Variants in NR3C1 observed in about 807,000 individuals in gnomAD.
NR3C1 encodes the protein glucocorticoid receptor.
A neutral mutation model predicts 74.0 loss-of-function variants in NR3C1; 14 were observed. The ratio of observed to expected loss-of-function variants is 0.19; its 90% confidence interval spans 0.12 to 0.30. The LOEUF (loss-of-function observed/expected upper bound fraction) is 0.30. NR3C1 is among the 10% of genes least tolerant of loss of function. NR3C1 has a pLI of 1.00. For missense variants in NR3C1, 695 were observed against 909.8 expected, an observed-to-expected ratio of 0.76 and a Z score of 3.04; for synonymous variants, 308 against 332.5, an observed-to-expected ratio of 0.93 and a Z score of 0.80.
intron 2 of NR3C1, among the ~76,000 whole-genome samples, chr5:143,359,760 A>G (rs975286021): frequency 3.5e-4 from 54 of 152,206 alleles, no homozygotes; most frequent in African/African-American, 1.3e-3. Context: ...TCTACTAAAA[A>G]TACAAAAATT....
At chr5:143,313,009 T>TA (rs1821300809) in intron 3 of NR3C1, among the ~76,000 whole-genome samples, 1 of 152,122 alleles carries the variant, frequency 6.6e-6, no homozygotes, top group African/African-American at 2.4e-5. Flanking sequence ...TATTAAAAAG[T>TA]AAAACAAAAG....
Position 143,428,045 on chromosome 5 carries a change from A to G in NR3C1, c.-14+6487T>C, listed in dbSNP as rs377024137. ...GCAATTATGTTTTTCATTAAAAATT[A>G]CTAAAATGGGCTTTTTGACTTAATA... On this transcript the variant is annotated intron_variant, in intron 1 of 8. Coordinates refer to the NR3C1 transcript ENST00000343796. Among the ~76,000 whole-genome samples the G allele has an allele frequency of 1.2e-4, 18 of 152,332 alleles. No individual in the cohort carries two copies. In the South Asian group the frequency reaches 3.7e-3, roughly 32 times the overall value.
chr5:143,307,045 C>T lies in NR3C1; in HGVS notation c.1468+3052G>A, dbSNP rs549597289. On this transcript the variant is annotated intron_variant, in intron 4 of 8. Transcript: ENST00000394464. ...CCGAGTAGCTGGGACTACAGGCGCC[C>T]GCCACCACGCCTGGCTAATTTTTTG... is the stretch of plus-strand genomic sequence containing the variant. 4.2e-3 allele frequency among the ~76,000 whole-genome samples: 642 copies of T among 151,800 alleles called. 2 individuals are homozygous for T. Among genetic ancestry groups the T allele is most frequent in the African/African-American group, 0.015 (610 of 41,426 alleles).
intron 2 of NR3C1, among the ~76,000 whole-genome samples, chr5:143,398,897 T>A (rs1006671652): frequency 6.6e-6 from 1 of 152,066 alleles, no homozygotes; most frequent in Non-Finnish European, 1.5e-5. Flanking sequence ...AAGCTGAAAA[T>A]TGAAGCTTAA....
chr5:143,292,260 C>G (rs758912614), intron 7 of NR3C1, among the ~76,000 whole-genome samples: 15 of 152,090 alleles, frequency 9.9e-5, no homozygotes, highest in Non-Finnish European at 2.2e-4. Flanking sequence ...CAGTTGTAAT[C>G]CACTGTTATT....
In NR3C1 at chr5:143,403,363, T is replaced by TG. The variant is rs1049348975; in HGVS notation, c.-167dup. ...AAACAGCCGCCCCTTTCTCCATGGG[T>TG]GGGGGGAGAGCCCCTATTTAAGAAA... On this transcript the variant is annotated 5_prime_UTR_variant, in exon 1 of 9. Coordinates refer to ENST00000394464, the MANE Select transcript of NR3C1 (RefSeq NM_000176.3). 2.0e-6 allele frequency: 2 copies of TG among 985,348 alleles called. No individual in the cohort carries two copies. The highest frequency in any genetic ancestry group is 2.4e-6 in the Non-Finnish European group (2 of 829,950). The allele number at this position is 985,348 out of a possible 1,614,324, so 61.0% of individuals were successfully genotyped here. A position where few individuals can be genotyped will look rare whatever the true frequency, so the allele number is the denominator to read the frequency against.
intron 2 of NR3C1, among the ~76,000 whole-genome samples, chr5:143,380,657 A>AG (rs1335339156): frequency 2.2e-5 from 2 of 91,792 alleles, no homozygotes; most frequent in East Asian, 3.5e-4. Context: ...TGTGGATTAT[A>AG]GGGCAGGGGG....
intron 2 of NR3C1, among the ~76,000 whole-genome samples, chr5:143,374,613 G>A (rs1192809369): frequency 4.6e-5 from 7 of 152,002 alleles, no homozygotes; most frequent in East Asian, 1.9e-4. Context: ...AAATGGGGGC[G>A]AGGGCAGGGA....
intron 7 of NR3C1, among the ~76,000 whole-genome samples, chr5:143,284,883 C>T (rs113856680): frequency 1.1e-3 from 171 of 152,106 alleles, no homozygotes; most frequent in African/African-American, 3.7e-3. Context: ...GGAAAGGGAA[C>T]CCAGGGTCTA....
chr5:143,353,725 TTTG>T (rs1830622071), intron 2 of NR3C1, among the ~76,000 whole-genome samples: 1 of 152,180 alleles, frequency 6.6e-6, no homozygotes. Flanking sequence ...TCATCCAGGC[TTTG>T]TTGTTTCATT....
At chr5:143,305,279 A>T (rs910043499) in intron 4 of NR3C1, among the ~76,000 whole-genome samples, 2 of 152,190 alleles carry the variant, frequency 1.3e-5, no homozygotes, top group African/African-American at 4.8e-5. Flanking sequence ...CTGATTGTTA[A>T]TCATCAGAGA....
Position 143,403,524 on chromosome 5 carries a change from A to T in NR3C1, c.-327T>A, listed in dbSNP as rs1259937659. On this transcript the variant is annotated 5_prime_UTR_variant, in exon 1 of 9. Transcript: ENST00000394464. ...GGCTGCGGCGTCTCCTTCCACCCAC[A>T]GAATCCGTCCCCGACGGGCAGGCGG... is the stretch of plus-strand genomic sequence containing the variant. 3 of 985,264 alleles carry T rather than the reference A, an allele frequency of 3.0e-6. No homozygotes were observed. The highest frequency in any genetic ancestry group is 3.6e-6 in the Non-Finnish European group (3 of 830,054). 61.0% of individuals were successfully genotyped at this position (985,264 alleles called of 1,614,324 possible). A position where few individuals can be genotyped will look rare whatever the true frequency, so the allele number is the denominator to read the frequency against.
At position 143,280,421 on chromosome 5, in the gene NR3C1, C is replaced by T. The variant is rs1464444677; in HGVS notation, c.*1468G>A. The T allele has an allele frequency of 6.6e-6, 1 of 152,510 alleles. No homozygotes were observed. The highest frequency in any genetic ancestry group is 2.4e-5 in the African/African-American group (1 of 41,428). 9.4% of individuals were successfully genotyped at this position (152,510 alleles called of 1,614,324 possible). The stretch of plus-strand genomic sequence containing the variant: ...ATTAGATTTTCAGTTTTCTATTACA[C>T]AAATAATTTGGCCACCTTGAATAGA... On this transcript the variant is annotated 3_prime_UTR_variant, in exon 9 of 9. Transcript: ENST00000394464.
intron 3 of NR3C1, among the ~76,000 whole-genome samples, chr5:143,311,322 C>T (rs956328134): frequency 6.6e-6 from 1 of 152,106 alleles, no homozygotes; most frequent in Non-Finnish European, 1.5e-5. Flanking sequence ...GAAAAAAAAT[C>T]ACCCACTGCT....
intron 5 of NR3C1, among the ~76,000 whole-genome samples, chr5:143,299,570 CTTTAT>C (rs897653808): frequency 6.6e-6 from 1 of 152,114 alleles, no homozygotes; most frequent in African/African-American, 2.4e-5. Context: ...CAATAATTTA[CTTTAT>C]ATTTCAAAAT....
At chr5:143,397,502 T>C (rs1169343637) in intron 2 of NR3C1, among the ~76,000 whole-genome samples, 1 of 151,916 alleles carries the variant, frequency 6.6e-6, no homozygotes, top group Non-Finnish European at 1.5e-5. Flanking sequence ...CTGTTTCAAT[T>C]TATTTGGATG....
At chr5:143,306,441 C>T (rs1245986056) in intron 4 of NR3C1, among the ~76,000 whole-genome samples, 3 of 152,164 alleles carry the variant, frequency 2.0e-5, no homozygotes, top group Non-Finnish European at 4.4e-5. Flanking sequence ...TACGTACATA[C>T]CAGGCCAAAT....
At chr5:143,299,960 C>T (rs1333027687) in intron 5 of NR3C1, among the ~76,000 whole-genome samples, 2 of 152,184 alleles carry the variant, frequency 1.3e-5, no homozygotes, top group Non-Finnish European at 2.9e-5. Context: ...TAACATTGAC[C>T]TCTGCCATTC....
At chr5:143,342,769 C>G (rs1303638834) in intron 2 of NR3C1, among the ~76,000 whole-genome samples, 1 of 152,152 alleles carries the variant, frequency 6.6e-6, no homozygotes, top group Non-Finnish European at 1.5e-5. Context: ...GAAGCTTCAA[C>G]AGCTCATTGT....
Sources: gnomAD v4.1 joint callset for allele counts (sites outside exome capture counted in the v4.1 genomes callset) on GRCh38, gnomAD v4.1.1 for gene constraint, MANE v1.5 for transcripts, NCBI Gene and HGNC (gene_info 2026-07-23, HGNC 2026-07-21) for gene names.